Variants in CRADD observed in about 807,000 individuals in gnomAD.
CRADD encodes the protein CARD and death domain containing adaptor protein.
Under a neutral mutation model 15.5 loss-of-function variants are expected in CRADD, and 9 were observed. The ratio of observed to expected loss-of-function variants is 0.58; its 90% confidence interval spans 0.35 to 1.01. The LOEUF is 1.01. CRADD is among the 50% of genes least tolerant of loss of function. The probability of loss-of-function intolerance (pLI) is 0.02; values close to 1 mark genes in which losing one functional copy is unlikely to be tolerated. For synonymous variants in CRADD, 118 were observed against 107.6 expected (o/e 1.10, Z -0.60); for missense variants, 227 against 250.3 (o/e 0.91, Z 0.63).
intron 2 of CRADD, among the ~76,000 whole-genome samples, chr12:93,867,540 A>G (rs1958381208): frequency 6.6e-6 from 1 of 151,980 alleles, no homozygotes; most frequent in African/African-American, 2.4e-5. Context: ...CTTGAGGCAT[A>G]TTAGAATATT....
chr12:93,722,491 A>G (rs1956282022), intron 2 of CRADD, among the ~76,000 whole-genome samples: 5 of 151,678 alleles, frequency 3.3e-5, no homozygotes, highest in Admixed American at 3.3e-4. Context: ...AACCTTGTAT[A>G]CTTGTCCCAC....
intron 2 of CRADD, among the ~76,000 whole-genome samples, chr12:93,818,314 G>T (rs7974729): frequency 0.68 from 104,108 of 152,098 alleles, 36,040 homozygotes; most frequent in African/African-American, 0.78. Context: ...GAAGAAGATG[G>T]GATACAAAAA....
rs548400597 is a variant in CRADD at position 93,728,208 on chromosome 12, A to G, written c.298+49136A>G. ...CACGGAAACAATTATAGCAGCATGG[A>G]AACAATTACAGCAGCTATCTATAAT... On this transcript the variant is annotated intron_variant, in intron 2 of 2. Coordinates refer to ENST00000332896, the MANE Select transcript of CRADD (RefSeq NM_003805.5). Among the ~76,000 whole-genome samples the G allele has an allele frequency of 4.3e-4, 66 of 152,352 alleles. 3 individuals are homozygous for G. The South Asian group carries it at 8.3e-3, about 19-fold the overall frequency.
At chr12:93,780,307 A>G (rs1957190849) in intron 2 of CRADD, among the ~76,000 whole-genome samples, 1 of 152,252 alleles carries the variant, frequency 6.6e-6, no homozygotes, top group Non-Finnish European at 1.5e-5. Flanking sequence ...AGTTGTGACT[A>G]CAATTTCCTG....
chr12:93,806,451 C>CAAAAAAAAAAA (rs59372325), intron 2 of CRADD, among the ~76,000 whole-genome samples: 9 of 59,198 alleles, frequency 1.5e-4, no homozygotes, highest in Non-Finnish European at 2.5e-4. Context: ...GACTCCATCT[C>CAAAAAAAAAAA]AAAAAAAAAA....
At chr12:93,733,737 C>T (rs1714880297) in intron 2 of CRADD, 3 of 150,618 alleles carry the variant, frequency 2.0e-5, no homozygotes, top group African/African-American at 4.9e-5. Flanking sequence ...TTCATCCATC[C>T]TTTGTTTTTT....
chr12:93,761,561 C>T (rs748676340), intron 2 of CRADD, among the ~76,000 whole-genome samples: 3 of 152,090 alleles, frequency 2.0e-5, no homozygotes, highest in Non-Finnish European at 4.4e-5. Context: ...GAAGGTGGTA[C>T]AGGTGGGAGG....
chr12:93,694,422 G>A (rs1955650617), intron 2 of CRADD, among the ~76,000 whole-genome samples: 1 of 152,144 alleles, frequency 6.6e-6, no homozygotes, highest in Non-Finnish European at 1.5e-5. Context: ...AGAGAAGGAT[G>A]CCCACTCTCA....
At chr12:93,831,477 C>T (rs1397390128) in intron 2 of CRADD, 2 of 152,106 alleles carry the variant, frequency 1.3e-5, no homozygotes, top group Non-Finnish European at 2.9e-5. Context: ...AATGGGATTC[C>T]CATCTGTGAA....
intron 2 of CRADD, among the ~76,000 whole-genome samples, chr12:93,858,902 C>G (rs1958296711): frequency 6.6e-6 from 1 of 152,248 alleles, no homozygotes; most frequent in Admixed American, 6.5e-5. Flanking sequence ...CCCACGCAGT[C>G]TATTTCCATT....
At chr12:93,768,835 C>T (rs917925260) in intron 2 of CRADD, among the ~76,000 whole-genome samples, 23 of 152,192 alleles carry the variant, frequency 1.5e-4, no homozygotes, top group Admixed American at 4.6e-4. Context: ...CCCATGGCCT[C>T]CTCCTCCCCA....
chr12:93,889,232 A>T (rs1958559205), intron 2 of CRADD, among the ~76,000 whole-genome samples: 2 of 152,140 alleles, frequency 1.3e-5, no homozygotes, highest in Admixed American at 1.3e-4. Context: ...TTAACATGCC[A>T]CTTTATGCCT....
chr12:93,870,976 G>A (rs1319136209), intron 2 of CRADD, among the ~76,000 whole-genome samples: 2 of 152,300 alleles, frequency 1.3e-5, no homozygotes, highest in East Asian at 3.9e-4. Context: ...GAGCACAGAA[G>A]TTTTCAAACA....
At chr12:93,882,406 G>A (rs1490537318) in intron 2 of CRADD, among the ~76,000 whole-genome samples, 2 of 142,352 alleles carry the variant, frequency 1.4e-5, no homozygotes, top group African/African-American at 5.4e-5. Context: ...GGGCGACAGA[G>A]CGAGACTCTG....
intron 2 of CRADD, among the ~76,000 whole-genome samples, chr12:93,785,143 TAAAA>T: frequency 6.6e-6 from 1 of 152,300 alleles, no homozygotes; most frequent in South Asian, 2.1e-4. Context: ...CAAACACCTC[TAAAA>T]ATAATTTTCA....
intron 2 of CRADD, among the ~76,000 whole-genome samples, chr12:93,810,896 C>T (rs958649210): frequency 6.6e-6 from 1 of 152,224 alleles, no homozygotes; most frequent in Non-Finnish European, 1.5e-5. Context: ...ATTCAGATCA[C>T]ACCTGGAAAA....
At chr12:93,843,197 C>G (rs1276653664) in intron 2 of CRADD, among the ~76,000 whole-genome samples, 3 of 152,044 alleles carry the variant, frequency 2.0e-5, no homozygotes, top group Admixed American at 2.0e-4. Flanking sequence ...ATGCTGATGA[C>G]CCCGTCATGT....
intron 2 of CRADD, among the ~76,000 whole-genome samples, chr12:93,888,483 C>T (rs996207738): frequency 2.6e-5 from 4 of 151,362 alleles, no homozygotes; most frequent in Non-Finnish European, 4.4e-5. Flanking sequence ...ACCTTCTATA[C>T]CATGTGAAAG....
intron 2 of CRADD, among the ~76,000 whole-genome samples, chr12:93,710,116 T>G (rs1956034181): frequency 6.6e-6 from 1 of 152,192 alleles, no homozygotes; most frequent in African/African-American, 2.4e-5. Flanking sequence ...CATGTGGTGG[T>G]GTCTGCTAGC....
Sources: gnomAD v4.1 joint callset for allele counts (sites outside exome capture counted in the v4.1 genomes callset) on GRCh38, gnomAD v4.1.1 for gene constraint, MANE v1.5 for transcripts, NCBI Gene and HGNC (gene_info 2026-07-23, HGNC 2026-07-21) for gene names.